CDS1: variants seen among roughly 807,000 people sequenced by gnomAD.
The protein encoded by CDS1 is CDP-diacylglycerol synthase 1, also known as phosphatidate cytidylyltransferase 1.
A neutral mutation model predicts 62.1 loss-of-function variants in CDS1; 41 were observed. That is an observed-to-expected ratio of 0.66 (90% CI 0.51 to 0.86). CDS1 has a LOEUF of 0.86. Among genes scored for constraint, CDS1 ranks in the 40% least tolerant of loss-of-function variants. The pLI, the probability that CDS1 is intolerant of heterozygous loss-of-function variation, is 0.00. For missense variants in CDS1, 470 were observed against 550.1 expected (o/e 0.85, Z 1.46); for synonymous variants, 185 against 192.6 (o/e 0.96, Z 0.32).
At chr4:84,647,714 T>A (rs1724598372) in intron 12 of CDS1, among the ~76,000 whole-genome samples, 1 of 152,222 alleles carries the variant, frequency 6.6e-6, no homozygotes, top group African/African-American at 2.4e-5. Flanking sequence ...TGGGCTCTTG[T>A]GCAATTTGTT....
intron 4 of CDS1, 81 bp from the exon 5 acceptor site, chr4:84,619,313 A>T (rs1723599987): frequency 3.0e-6 from 2 of 674,300 alleles, no homozygotes; most frequent in Non-Finnish European, 4.6e-6. Context: ...TTGTGTCATC[A>T]GAATGTAGAA....
chr4:84,635,682 CCTTCCT>C (rs1724180488), intron 8 of CDS1, among the ~76,000 whole-genome samples: 1 of 130,848 alleles, frequency 7.6e-6, no homozygotes, highest in African/African-American at 3.1e-5. Context: ...TTCCTTCCTT[CCTTCCT>C]TCCCTCCTTC....
intron 12 of CDS1, among the ~76,000 whole-genome samples, chr4:84,648,099 A>T (rs1024821676): frequency 6.6e-6 from 1 of 152,150 alleles, no homozygotes; most frequent in Non-Finnish European, 1.5e-5. Context: ...CTCCCTGGAG[A>T]TATTTTTCAA....
chr4:84,600,248 G>A (rs1463330220), intron 1 of CDS1, among the ~76,000 whole-genome samples: 2 of 152,072 alleles, frequency 1.3e-5, no homozygotes, highest in Non-Finnish European at 2.9e-5. Flanking sequence ...AGTTCTTTAT[G>A]TATTCCAGAT....
intron 8 of CDS1, among the ~76,000 whole-genome samples, chr4:84,638,030 C>T (rs1724267177): frequency 6.6e-6 from 1 of 152,088 alleles, no homozygotes; most frequent in African/African-American, 2.4e-5. Flanking sequence ...ATAGGTTAAC[C>T]CATAACCCAT....
chr4:84,644,215 G>T (rs912296805), intron 11 of CDS1, among the ~76,000 whole-genome samples: 1 of 152,154 alleles, frequency 6.6e-6, no homozygotes, highest in Non-Finnish European at 1.5e-5. Flanking sequence ...ACAAGATGTT[G>T]TTCCTGTTCT....
In CDS1 at chr4:84,604,303, G is replaced by A. The variant is rs1292629669; in HGVS notation, c.178G>A (p.Glu60Lys). The change falls in exon 2 of 13, where the codon GAA (glutamate) becomes AAA (lysine). Residue 60 changes from glutamate to lysine, a missense_variant. Around this residue, in one of 5 missense-constraint regions of CDS1, gnomAD observed 150 missense variants for 142.0 expected, o/e 1.06. Transcript: ENST00000295887. ...TTCCAGAACAGATTCTGATATTCCG[G>A]AAATTCCACCATCCTCAGATAGAAC... ...LDSRTDSDIP[E>K]IPPSSDRTPE... 3.7e-6 allele frequency: 6 copies of A among 1,612,456 alleles called. No individual in the cohort carries two copies. Among genetic ancestry groups the A allele is most frequent in the Non-Finnish European group, 1.7e-6 (2 of 1,178,712 alleles).
chr4:84,588,215 G>A (rs1258770301), intron 1 of CDS1, among the ~76,000 whole-genome samples: 3 of 152,198 alleles, frequency 2.0e-5, no homozygotes, highest in African/African-American at 7.2e-5. Flanking sequence ...TAAGATCCCT[G>A]TGTGTTTGTG....
intron 4 of CDS1, among the ~76,000 whole-genome samples, chr4:84,618,077 A>G (rs1723556279): frequency 6.6e-6 from 1 of 152,184 alleles, no homozygotes; most frequent in Non-Finnish European, 1.5e-5. Flanking sequence ...AAATGCACAT[A>G]AAGTTAGTAA....
intron 6 of CDS1, among the ~76,000 whole-genome samples, chr4:84,632,290 G>A (rs1253257130): frequency 6.6e-6 from 1 of 152,042 alleles, no homozygotes; most frequent in African/African-American, 2.4e-5. Context: ...TATTATCTTG[G>A]TGGTTATGGT....
intron 5 of CDS1, among the ~76,000 whole-genome samples, chr4:84,629,263 A>G (rs1336462187): frequency 1.3e-5 from 2 of 151,338 alleles, no homozygotes; most frequent in Admixed American, 6.6e-5. Context: ...CTCTTTTACA[A>G]TGTTTTTCTT....
chr4:84,589,086 C>G (rs1722502670), intron 1 of CDS1, among the ~76,000 whole-genome samples: 1 of 152,140 alleles, frequency 6.6e-6, no homozygotes, highest in African/African-American at 2.4e-5. Context: ...GATTTTCTCA[C>G]TGTTACAGTT....
At chr4:84,619,650 T>C (rs1723613356) in intron 5 of CDS1, 117 bp downstream of exon 5, 4 of 584,454 alleles carry the variant, frequency 6.8e-6, no homozygotes, top group Non-Finnish European at 1.1e-5. Context: ...CCTCTCTTTT[T>C]CATTGTTTCT....
intron 9 of CDS1, 63 bp from the exon 10 acceptor site, chr4:84,640,775 A>G: frequency 7.9e-7 from 1 of 1,273,548 alleles, no homozygotes; most frequent in Admixed American, 2.7e-5. Context: ...ATATATGTTT[A>G]GTCAATGTGT....
rs1243273300 is a variant in CDS1 at position 84,633,959 on chromosome 4, C to T, written c.722+20C>T. ...GATATGGTAAGGCAACAGAATTATG[C>T]TGCTTTATAAGTATGTCATAGCACT... is the stretch of plus-strand genomic sequence containing the variant. On this transcript the variant is annotated intron_variant, in intron 7 of 12. Transcript: ENST00000295887. The T allele has an allele frequency of 1.4e-6, 2 of 1,450,726 alleles. No homozygotes were observed. Among genetic ancestry groups the T allele is most frequent in the Non-Finnish European group, 9.6e-7 (1 of 1,043,228 alleles). 89.9% of individuals were successfully genotyped at this position (1,450,726 alleles called of 1,614,324 possible). A position where few individuals can be genotyped will look rare whatever the true frequency, so the allele number is the denominator to read the frequency against.
intron 4 of CDS1, 79 bp downstream of exon 4, chr4:84,617,740 A>G (rs952908943): frequency 4.7e-6 from 3 of 639,108 alleles, no homozygotes; most frequent in Non-Finnish European, 8.1e-6. Context: ...ATCAGTCAGT[A>G]TCCACTCAAT....
At position 84,638,989 on chromosome 4, in the gene CDS1, C is replaced by A; in HGVS notation, c.876C>A (p.Phe292Leu). 2 of 1,522,614 alleles carry A rather than the reference C, an allele frequency of 1.3e-6. No homozygotes were observed. The highest frequency in any genetic ancestry group is 1.8e-6 in the Non-Finnish European group (2 of 1,117,436). 94.3% of individuals were successfully genotyped at this position (1,522,614 alleles called of 1,614,324 possible). The change falls in exon 9 of 13, where the codon TTC (phenylalanine) becomes TTA (leucine). Residue 292 changes from phenylalanine (F) to leucine (L), a missense_variant. Phe to Leu is a conservative substitution (Grantham distance 22). Transcript: ENST00000295887. ...GGFFSTVVFG[F>L]IAAYVLSKYQ... ...TCTTTTCCACAGTTGTGTTTGGATT[C>A]ATTGTGAGTATTACTAAGATTTTTA...
At chr4:84,590,733 A>G (rs1441433323) in intron 1 of CDS1, among the ~76,000 whole-genome samples, 1 of 152,202 alleles carries the variant, frequency 6.6e-6, no homozygotes, top group African/African-American at 2.4e-5. Context: ...GTTATAAGCA[A>G]GTTTTTAAAG....
chr4:84,589,807 C>A (rs1315161736), intron 1 of CDS1, among the ~76,000 whole-genome samples: 1 of 151,276 alleles, frequency 6.6e-6, no homozygotes, highest in East Asian at 2.0e-4. Context: ...TAAGGCAGGT[C>A]TTTTTTGTTT....
Sources: allele counts gnomAD v4.1 joint callset (sites outside exome capture counted in the v4.1 genomes callset), GRCh38; gene constraint gnomAD v4.1.1; regional missense constraint gnomAD v4.1.1; transcripts MANE v1.5; gene names NCBI Gene and HGNC (gene_info 2026-07-23, HGNC 2026-07-21).